RAD17: variants seen among roughly 807,000 people sequenced by gnomAD.
RAD17 encodes the protein cell cycle checkpoint protein RAD17.
In RAD17, 31 loss-of-function variants were observed where a neutral mutation model predicts 81.5. The ratio of observed to expected loss-of-function variants is 0.38; its 90% CI spans 0.29 to 0.51. RAD17 has a LOEUF of 0.51. RAD17 is among the 20% of genes least tolerant of loss of function. The pLI is 0.88. For missense variants in RAD17, 681 were observed against 781.2 expected (o/e 0.87, Z 1.53); for synonymous variants, 261 against 266.2 (o/e 0.98, Z 0.19).
intron 6 of RAD17, among the ~76,000 whole-genome samples, chr5:69,380,563 C>A (rs17236240): frequency 6.6e-6 from 1 of 152,096 alleles, no homozygotes; most frequent in Non-Finnish European, 1.5e-5. Context: ...GGAGCAGGCT[C>A]TCTTTGTCCA....
At chr5:69,394,343 G>A (rs993516268) in intron 15 of RAD17, among the ~76,000 whole-genome samples, 9 of 149,086 alleles carry the variant, frequency 6.0e-5, no homozygotes, top group Non-Finnish European at 1.3e-4. Context: ...GATTACAGGA[G>A]TGAGCCACCA....
chr5:69,413,933 G>A, intron 18 of RAD17, 98 bp from the exon 19 acceptor site: 1 of 1,422,596 alleles, frequency 7.0e-7, no homozygotes, highest in Non-Finnish European at 9.6e-7. Context: ...GCACAATGTA[G>A]GTAAATGAAA....
At chr5:69,370,312 GA>G (rs1762861046) in intron 1 of RAD17, 1 of 152,414 alleles carries the variant, frequency 6.6e-6, no homozygotes, top group Non-Finnish European at 1.5e-5. Flanking sequence ...TTTCAAGAGT[GA>G]ATAGAGACCT....
chr5:69,397,615 A>G (rs1188771291), intron 16 of RAD17, among the ~76,000 whole-genome samples: 1 of 152,164 alleles, frequency 6.6e-6, no homozygotes, highest in Non-Finnish European at 1.5e-5. Flanking sequence ...AAAAGAAAAA[A>G]ATTGTAAATA....
At chr5:69,401,810 A>G (rs1162152550) in intron 17 of RAD17, among the ~76,000 whole-genome samples, 1 of 150,090 alleles carries the variant, frequency 6.7e-6, no homozygotes, top group Non-Finnish European at 1.5e-5. Context: ...ACATGGTGAA[A>G]CCCCATCTCT....
intron 8 of RAD17, among the ~76,000 whole-genome samples, chr5:69,385,486 G>C (rs997950846): frequency 6.6e-6 from 1 of 151,596 alleles, no homozygotes; most frequent in Admixed American, 6.6e-5. Context: ...GGCCAGGCTG[G>C]TCTCAAACTC....
Position 69,372,154 on chromosome 5 carries a change from T to A in RAD17, c.-55T>A, listed in dbSNP as rs553777490. Reference sequence around the variant, plus strand: ...AGATATTTTCATACTCTCAAAAATATAGAGGAAAGGGGCCAAGATTATAGT... The same window carrying A: ...AGATATTTTCATACTCTCAAAAATAAAGAGGAAAGGGGCCAAGATTATAGT... On this transcript the variant is annotated 5_prime_UTR_variant, in exon 4 of 19. The change abolishes the stop of an existing upstream ORF in the 5' untranslated region. Coordinates refer to ENST00000354868, the MANE Select transcript of RAD17 (RefSeq NM_133338.3). 20 of 1,580,652 alleles carry A rather than the reference T, an allele frequency of 1.3e-5. No homozygotes were observed. In the East Asian group the frequency reaches 4.5e-4, roughly 36 times the overall value.
chr5:69,396,568 CT>C, intron 16 of RAD17, 22 bp downstream of exon 16: 1 of 905,480 alleles, frequency 1.1e-6, no homozygotes, highest in Non-Finnish European at 1.6e-6. Context: ...AAAAAAAATT[CT>C]GTACTTTCAA....
chr5:69,388,611 C>T (rs17236373), intron 11 of RAD17, among the ~76,000 whole-genome samples: 150,151 of 152,306 alleles, frequency 0.99, 74,018 homozygotes, highest in East Asian at 1. Context: ...TTTTTTATTA[C>T]TATTTTAAGA....
rs1764668643 is a variant in RAD17, at chr5:69,393,443, T to C, written c.1365T>C (p.Asp455=). ...TAGATTTCTTCATGGAAATTGATGA[T>C]ATTGTGAGAGCCAGTGAATTTCTGA... ...NYIDFFMEID[D]IVRASEFLSF... The change falls in exon 15 of 19, where the codon GAT becomes GAC. Residue 455 remains aspartate (D), a synonymous_variant. Coordinates refer to ENST00000354868, the MANE Select transcript of RAD17 (RefSeq NM_133338.3). The C allele has an allele frequency of 6.2e-7, 1 of 1,610,844 alleles. No individual in the cohort carries two copies. Among genetic ancestry groups the C allele is most frequent in the Non-Finnish European group, 8.5e-7 (1 of 1,178,544 alleles).
rs1461189519 is a variant in RAD17, at chr5:69,414,318, A to G, written c.*26A>G. The stretch of plus-strand genomic sequence containing the variant: ...AAGCCAGCCTGCTAATCAGATTGCT[A>G]CTTCACAGCTTCATTTTTGTTTCAT... On this transcript the variant is annotated 3_prime_UTR_variant, in exon 19 of 19. Coordinates refer to ENST00000354868, the MANE Select transcript of RAD17 (RefSeq NM_133338.3). 6.2e-7 allele frequency: 1 copy of G among 1,602,648 alleles called. No homozygotes were observed. The highest frequency in any genetic ancestry group is 8.5e-7 in the Non-Finnish European group (1 of 1,171,846).
chr5:69,400,620 C>G (rs1309323273), intron 17 of RAD17, among the ~76,000 whole-genome samples: 2 of 75,636 alleles, frequency 2.6e-5, no homozygotes, highest in African/African-American at 3.6e-5. Context: ...ATTCTGGATC[C>G]TTTATGTTTT....
intron 6 of RAD17, 38 bp from the exon 7 acceptor site, chr5:69,381,863 G>C: frequency 7.1e-7 from 1 of 1,417,336 alleles, no homozygotes; most frequent in Non-Finnish European, 9.7e-7. Flanking sequence ...GCATTCCAGT[G>C]ATTTTGGTTT....
Position 69,389,083 on chromosome 5 carries a change from G to A in RAD17, c.944G>A (p.Cys315Tyr), listed in dbSNP as rs1227436050. Residue 315 changes from cysteine to tyrosine, a missense_variant, in exon 12 of 19, where the codon TGT becomes TAT. Physicochemically the swap from Cys to Tyr is radical, Grantham distance 194 (BLOSUM62 -2). Coordinates refer to ENST00000354868, the MANE Select transcript of RAD17 (RefSeq NM_133338.3). ...GACAAAACTTCTCTAGAGTTGCTCT[G>A]TCAGGGATGTTCTGGTGATATCAGA... ...VPDKTSLELL[C>Y]QGCSGDIRSA... The A allele has an allele frequency of 6.3e-7, 1 of 1,576,072 alleles. No homozygotes were observed. Among genetic ancestry groups the A allele is most frequent in the Admixed American group, 1.8e-5 (1 of 55,856 alleles).
At chr5:69,393,762 G>A (rs1764688095) in intron 15 of RAD17, among the ~76,000 whole-genome samples, 1 of 151,600 alleles carries the variant, frequency 6.6e-6, no homozygotes, top group Non-Finnish European at 1.5e-5. Context: ...GTAGAGACAG[G>A]GTCTTACTGT....
intron 6 of RAD17, among the ~76,000 whole-genome samples, chr5:69,377,639 A>G (rs1165155044): frequency 6.6e-4 from 4 of 6,058 alleles, no homozygotes; most frequent in African/African-American, 1.2e-3. Flanking sequence ...ATATGTATAC[A>G]TATATATATG....
chr5:69,381,714 A>T (rs1263475417), intron 6 of RAD17, among the ~76,000 whole-genome samples, 187 bp from the exon 7 acceptor site: 2 of 152,180 alleles, frequency 1.3e-5, no homozygotes, highest in Non-Finnish European at 2.9e-5. Context: ...GGAAAAAGGC[A>T]ATTTTTAAAA....
intron 13 of RAD17, 81 bp downstream of exon 13, chr5:69,392,094 T>C (rs1468522118): frequency 8.8e-6 from 11 of 1,250,046 alleles, no homozygotes; most frequent in South Asian, 8.7e-5. Context: ...TTTAAAAAAA[T>C]GTCATGTATT....
chr5:69,371,297 G>T, intron 2 of RAD17, 126 bp downstream of exon 2: 7 of 458,332 alleles, frequency 1.5e-5, no homozygotes, highest in Non-Finnish European at 2.8e-5. Flanking sequence ...AATTATTTTA[G>T]AATTTTGATT....
Sources: gnomAD v4.1 joint callset for allele counts (sites outside exome capture counted in the v4.1 genomes callset) on GRCh38, gnomAD v4.1.1 for gene constraint, MANE v1.5 for transcripts, NCBI Gene and HGNC (gene_info 2026-07-23, HGNC 2026-07-21) for gene names.